Variants in PELI2 observed in about 807,000 individuals in gnomAD.
PELI2 encodes the protein pellino E3 ubiquitin protein ligase family member 2, also known as E3 ubiquitin-protein ligase pellino homolog 2.
A neutral mutation model predicts 42.3 loss-of-function variants in PELI2; 23 were observed. The ratio of observed to expected loss-of-function variants is 0.54; its 90% CI spans 0.39 to 0.77. The LOEUF (loss-of-function observed/expected upper bound fraction) is 0.77. Ranked by LOEUF, PELI2 falls within the 30% of genes least tolerant of loss-of-function variation. PELI2 has a pLI of 0.00. For missense variants in PELI2, 463 were observed against 553.2 expected (o/e 0.84, Z 1.64); for synonymous variants, 245 against 212.2 (o/e 1.15, Z -1.34).
At chr14:56,198,618 A>G (rs2139701989) in intron 2 of PELI2, among the ~76,000 whole-genome samples, 1 of 152,314 alleles carries the variant, frequency 6.6e-6, no homozygotes, top group East Asian at 1.9e-4. Context: ...AGCCATAAGC[A>G]GGAGATGAGC....
chr14:56,297,770 T>C lies in PELI2; in HGVS notation c.*604T>C, dbSNP rs894864858. ...GAGAGAATATTCATAACTTGTGGGC[T>C]TTTTTTTTTTTTAACTTCAGTGGAA... On this transcript the variant is annotated 3_prime_UTR_variant, in exon 6 of 6. Coordinates refer to ENST00000267460, the MANE Select transcript of PELI2 (RefSeq NM_021255.3). 5 of 131,984 alleles carry C rather than the reference T, an allele frequency of 3.8e-5. No homozygotes were observed. Among genetic ancestry groups the C allele is most frequent in the African/African-American group, 1.7e-4 (5 of 29,832 alleles). The allele number at this position is 131,984 out of a possible 1,614,324, so 8.2% of individuals were successfully genotyped here.
chr14:56,202,998 A>C (rs546754686), intron 2 of PELI2, among the ~76,000 whole-genome samples: 1 of 55,224 alleles, frequency 1.8e-5, no homozygotes, highest in African/African-American at 4.3e-5. Flanking sequence ...TGAATTTTTC[A>C]AAAAAAAATG....
chr14:56,193,100 A>G (rs1379748688), intron 2 of PELI2, among the ~76,000 whole-genome samples: 1 of 152,194 alleles, frequency 6.6e-6, no homozygotes, highest in Non-Finnish European at 1.5e-5. Flanking sequence ...CTTTGTGGAA[A>G]TAGAGGGAGA....
chr14:56,193,221 C>T (rs1886013201), intron 2 of PELI2, among the ~76,000 whole-genome samples: 1 of 152,220 alleles, frequency 6.6e-6, no homozygotes, highest in African/African-American at 2.4e-5. Flanking sequence ...AGGCACATTT[C>T]AAGACCGTCT....
intron 1 of PELI2, among the ~76,000 whole-genome samples, chr14:56,130,301 T>C (rs1355837696): frequency 6.6e-6 from 1 of 152,210 alleles, no homozygotes; most frequent in African/African-American, 2.4e-5. Flanking sequence ...ATTTTATGCA[T>C]GAAACTGAGT....
chr14:56,155,792 C>T (rs902068333), intron 1 of PELI2, among the ~76,000 whole-genome samples: 1 of 151,986 alleles, frequency 6.6e-6, no homozygotes, highest in African/African-American at 2.4e-5. Context: ...ATCATGTTAG[C>T]CAGAATGGTC....
intron 2 of PELI2, among the ~76,000 whole-genome samples, chr14:56,228,671 A>G (rs576957598): frequency 3.7e-4 from 56 of 152,350 alleles, no homozygotes; most frequent in African/African-American, 1.3e-3. Context: ...TCCAGTCTAC[A>G]GCTCCCAGTG....
At chr14:56,250,192 G>A (rs147987608) in intron 2 of PELI2, among the ~76,000 whole-genome samples, 2 of 152,286 alleles carry the variant, frequency 1.3e-5, no homozygotes, top group Middle Eastern at 3.4e-3. Flanking sequence ...CTGATGCACT[G>A]ACGGTTCCTA....
chr14:56,263,810 G>T (rs1888806800), intron 2 of PELI2, among the ~76,000 whole-genome samples: 1 of 152,154 alleles, frequency 6.6e-6, no homozygotes, highest in Non-Finnish European at 1.5e-5. Flanking sequence ...AAAAGTAGCT[G>T]TAAGAATAGA....
At chr14:56,215,884 G>T (rs141634576) in intron 2 of PELI2, among the ~76,000 whole-genome samples, 273 of 152,244 alleles carry the variant, frequency 1.8e-3, no homozygotes, top group African/African-American at 6.4e-3. Flanking sequence ...CACTACAGTG[G>T]GTTATAGAAA....
At chr14:56,217,486 C>T (rs1205941468) in intron 2 of PELI2, among the ~76,000 whole-genome samples, 2 of 152,244 alleles carry the variant, frequency 1.3e-5, no homozygotes, top group African/African-American at 4.8e-5. Flanking sequence ...CTGCGTCCGG[C>T]TTGGCCAGGG....
At chr14:56,268,805 G>A (rs1888997319) in intron 2 of PELI2, among the ~76,000 whole-genome samples, 1 of 152,100 alleles carries the variant, frequency 6.6e-6, no homozygotes, top group Non-Finnish European at 1.5e-5. Context: ...GTTGAGATGG[G>A]TGTGATTTCA....
At chr14:56,153,344 T>G (rs1168857065) in intron 1 of PELI2, among the ~76,000 whole-genome samples, 1 of 152,212 alleles carries the variant, frequency 6.6e-6, no homozygotes, top group Non-Finnish European at 1.5e-5. Flanking sequence ...CTGTGGTTCC[T>G]GCTCTTAATT....
chr14:56,208,242 A>G (rs1003024899), intron 2 of PELI2, among the ~76,000 whole-genome samples: 1 of 152,204 alleles, frequency 6.6e-6, no homozygotes, highest in African/African-American at 2.4e-5. Context: ...TGCAGGTGCT[A>G]TGGAAGTGCC....
At chr14:56,141,902 C>T (rs1334127688) in intron 1 of PELI2, among the ~76,000 whole-genome samples, 1 of 152,324 alleles carries the variant, frequency 6.6e-6, no homozygotes, top group East Asian at 1.9e-4. Context: ...AAGGAAAATT[C>T]CTTGTAGCGT....
chr14:56,187,849 C>A lies in PELI2; in HGVS notation c.207+9385C>A, dbSNP rs151056173. On this transcript the variant is annotated intron_variant, in intron 2 of 5. Coordinates refer to ENST00000267460, the MANE Select transcript of PELI2 (RefSeq NM_021255.3). ...TTGGGAGCTCTCAGATAGGCAGCTC[C>A]CTTCTGGTTCACACTGTGCTCATTC... 1.3e-3 allele frequency among the ~76,000 whole-genome samples: 201 copies of A among 152,276 alleles called. 1 individual carries two copies. The highest frequency in any genetic ancestry group is 3.4e-3 in the Middle Eastern group (1 of 294).
chr14:56,201,766 G>A (rs4901646), intron 2 of PELI2, among the ~76,000 whole-genome samples: 60,992 of 151,698 alleles, frequency 0.4, 12,910 homozygotes, highest in South Asian at 0.53. Context: ...AGCTAACTAT[G>A]TACAATAATT....
chr14:56,231,804 A>G (rs1001230822), intron 2 of PELI2, among the ~76,000 whole-genome samples: 6 of 152,240 alleles, frequency 3.9e-5, no homozygotes, highest in African/African-American at 1.4e-4. Flanking sequence ...CCTTCAATAA[A>G]TCAGTGAATC....
At position 56,289,718 on chromosome 14, in the gene PELI2, A is replaced by G. The variant is rs1889765627; in HGVS notation, c.508-550A>G. Among the ~76,000 whole-genome samples the G allele has an allele frequency of 2.6e-5, 4 of 152,112 alleles. No individual in the cohort carries two copies. In the South Asian group the frequency reaches 8.3e-4, roughly 32 times the overall value. On this transcript the variant is annotated intron_variant, in intron 4 of 5. Coordinates refer to ENST00000267460, the MANE Select transcript of PELI2 (RefSeq NM_021255.3). ...ACCCAAGAGTGTCTGTCCTGTCGTCATGTCAAGCTACATGCGCCATCTACC... is the reference window on the plus strand; with the variant it reads ...ACCCAAGAGTGTCTGTCCTGTCGTCGTGTCAAGCTACATGCGCCATCTACC...
Sources: allele counts gnomAD v4.1 joint callset (sites outside exome capture counted in the v4.1 genomes callset), GRCh38; gene constraint gnomAD v4.1.1; transcripts MANE v1.5; gene names NCBI Gene and HGNC (gene_info 2026-07-23, HGNC 2026-07-21).